KCNG3: variants seen among roughly 807,000 people sequenced by gnomAD.
KCNG3 encodes the protein voltage-gated potassium channel regulatory subunit KCNG3.
In KCNG3, 15 loss-of-function variants were observed where a neutral mutation model predicts 29.0. The ratio of observed to expected loss-of-function variants is 0.52; its 90% confidence interval spans 0.35 to 0.80. KCNG3 has a LOEUF of 0.80. Ranked by LOEUF, KCNG3 falls within the 30% of genes least tolerant of loss-of-function variation. KCNG3 has a pLI of 0.01. For missense variants in KCNG3, 512 were observed against 605.7 expected, an observed-to-expected ratio of 0.85 and a Z score of 1.62; for synonymous variants, 322 against 248.9, an observed-to-expected ratio of 1.29 and a Z score of -2.76.
chr2:42,490,049 G>A (rs1232771599), intron 1 of KCNG3, among the ~76,000 whole-genome samples: 1 of 152,126 alleles, frequency 6.6e-6, no homozygotes, highest in African/African-American at 2.4e-5. Flanking sequence ...ACACAAAACT[G>A]GCTAATGGCT....
the KCNG3 span, among the ~76,000 whole-genome samples, chr2:42,401,696 C>T: frequency 6.6e-6 from 1 of 152,066 alleles, no homozygotes; most frequent in Non-Finnish European, 1.5e-5. Context: ...CTCCTGCCTC[C>T]CAAAGTGCTG....
intron 1 of KCNG3, among the ~76,000 whole-genome samples, chr2:42,458,058 C>G (rs1185208895): frequency 6.6e-6 from 1 of 152,120 alleles, no homozygotes; most frequent in African/African-American, 2.4e-5. Context: ...CCCTATATAG[C>G]TACAGTCAAT....
At chr2:42,451,457 G>A (rs1485556987) in intron 1 of KCNG3, among the ~76,000 whole-genome samples, 2 of 151,896 alleles carry the variant, frequency 1.3e-5, no homozygotes, top group Non-Finnish European at 2.9e-5. Flanking sequence ...GGGCACAGTG[G>A]CTCACGCCTG....
chr2:42,478,007 G>C (rs1219515312), intron 1 of KCNG3, among the ~76,000 whole-genome samples: 1 of 152,052 alleles, frequency 6.6e-6, no homozygotes, highest in Non-Finnish European at 1.5e-5. Flanking sequence ...TGTAAAGTGG[G>C]AGTTGGAATT....
chr2:42,415,564 G>C, the KCNG3 span: 1 of 152,164 alleles, frequency 6.6e-6, no homozygotes, highest in African/African-American at 2.4e-5. Context: ...TAAAAGACAT[G>C]TAACATGAAC....
chr2:42,393,288 C>T, the KCNG3 span, among the ~76,000 whole-genome samples: 3 of 150,866 alleles, frequency 2.0e-5, no homozygotes, highest in African/African-American at 4.9e-5. Context: ...TGCCCAGGCA[C>T]GGTGGTTCAG....
the KCNG3 span, among the ~76,000 whole-genome samples, chr2:42,400,467 C>A: frequency 6.6e-6 from 1 of 152,140 alleles, no homozygotes; most frequent in East Asian, 1.9e-4. Flanking sequence ...AAGATAAAAA[C>A]TGGGCAGCAG....
chr2:42,483,779 T>G (rs1673649604), intron 1 of KCNG3, among the ~76,000 whole-genome samples: 1 of 152,206 alleles, frequency 6.6e-6, no homozygotes, highest in South Asian at 2.1e-4. Context: ...AGAACTAATA[T>G]GAAAAGAGTT....
At chr2:42,482,980 G>A (rs1673628979) in intron 1 of KCNG3, among the ~76,000 whole-genome samples, 1 of 151,942 alleles carries the variant, frequency 6.6e-6, no homozygotes, top group South Asian at 2.1e-4. Flanking sequence ...AATTAGCCAG[G>A]CACGGTGGTG....
chr2:42,493,309 G>A lies in KCNG3; in HGVS notation c.193C>T (p.Arg65Trp). Residue 65 changes from arginine to tryptophan, a missense_variant, in exon 1 of 2, where the codon CGG becomes TGG. Arg to Trp is a moderately radical substitution (Grantham distance 101, BLOSUM62 -3). Around this residue, in one of 5 missense-constraint regions of KCNG3, gnomAD observed 91 missense variants for 91.1 expected, o/e 1.00. Transcript: ENST00000306078. ...DRERNEYFFD[R>W]HSEAFGFILL... is the part of the protein sequence containing the mutation. ...ATGAAGCCGAAGGCCTCCGAGTGCC[G>A]GTCGAAGAAGTACTCGTTGCGCTCG... is the stretch of plus-strand genomic sequence containing the variant. The A allele has an allele frequency of 1.2e-6, 2 of 1,609,970 alleles. No individual in the cohort carries two copies. Among genetic ancestry groups the A allele is most frequent in the Non-Finnish European group, 1.7e-6 (2 of 1,178,672 alleles).
the KCNG3 span, among the ~76,000 whole-genome samples, chr2:42,428,964 C>A: frequency 6.6e-6 from 1 of 151,892 alleles, no homozygotes; most frequent in Non-Finnish European, 1.5e-5. Flanking sequence ...ACTAAAAATA[C>A]AAAAATCAAC....
rs1051044004 is a variant in KCNG3 at position 42,443,864 on chromosome 2, G to A, written c.*70C>T. The A allele has an allele frequency of 2.1e-6, 3 of 1,443,268 alleles. No homozygotes were observed. The highest frequency in any genetic ancestry group is 2.8e-5 in the African/African-American group (2 of 70,552). 89.4% of individuals were successfully genotyped at this position (1,443,268 alleles called of 1,614,324 possible). A position where few individuals can be genotyped will look rare whatever the true frequency, so the allele number is the denominator to read the frequency against. ...TGCCACTGCAGTGCTCACCCAGCAAGAAACACATAAATATGAAGCAGCATC... is the reference window on the plus strand; with the variant it reads ...TGCCACTGCAGTGCTCACCCAGCAAAAAACACATAAATATGAAGCAGCATC... On this transcript the variant is annotated 3_prime_UTR_variant, in exon 2 of 2. Coordinates refer to ENST00000306078, the MANE Select transcript of KCNG3 (RefSeq NM_133329.6).
chr2:42,397,990 G>A, the KCNG3 span, among the ~76,000 whole-genome samples: 6 of 152,090 alleles, frequency 3.9e-5, no homozygotes, highest in South Asian at 2.1e-4. Context: ...TTGGGAGGCC[G>A]AGGCAGGCAG....
the KCNG3 span, among the ~76,000 whole-genome samples, chr2:42,431,313 T>TC: frequency 2.0e-5 from 3 of 152,016 alleles, no homozygotes; most frequent in African/African-American, 7.3e-5. Flanking sequence ...TTGAAAGCTT[T>TC]TTTTTTTCCC....
the KCNG3 span, among the ~76,000 whole-genome samples, chr2:42,403,439 G>A: frequency 6.8e-6 from 1 of 148,140 alleles, no homozygotes; most frequent in African/African-American, 2.5e-5. Context: ...CACCATACCT[G>A]GCTTATTGTT....
chr2:42,444,776 T>C lies in KCNG3; in HGVS notation c.666-197A>G, dbSNP rs557605421. Among the ~76,000 whole-genome samples, 27 of 151,982 alleles carry C rather than the reference T, an allele frequency of 1.8e-4. No individual in the cohort carries two copies. The highest frequency in any genetic ancestry group is 5.1e-4 in the African/African-American group (21 of 41,448). On this transcript the variant is annotated intron_variant, in intron 1 of 1. Coordinates refer to ENST00000306078, the MANE Select transcript of KCNG3 (RefSeq NM_133329.6). This position sits in a 1 kb window ranked among gnomAD's most constrained non-coding sequence, Gnocchi z 5.8. ...AACAACAAATCAATTCAGATGAAAA[T>C]TGAGACCAGGTGCAGTGGCTCATGC...
intron 1 of KCNG3, among the ~76,000 whole-genome samples, chr2:42,471,885 C>CA (rs59566876): frequency 0.055 from 3,493 of 63,334 alleles, 133 homozygotes; most frequent in African/African-American, 0.12. Context: ...CCCTGTATCT[C>CA]AAAAAAAAAA....
At chr2:42,492,188 C>G in intron 1 of KCNG3, among the ~76,000 whole-genome samples, 1 of 152,146 alleles carries the variant, frequency 6.6e-6, no homozygotes. Flanking sequence ...ATATCATAGA[C>G]CCTCTGAAAG....
intron 1 of KCNG3, among the ~76,000 whole-genome samples, chr2:42,482,373 G>A (rs1242835161): frequency 5.3e-5 from 8 of 152,110 alleles, no homozygotes; most frequent in Non-Finnish European, 7.3e-5. Context: ...GAGGCCAGAA[G>A]TTCAAGACCA....
Sources: gnomAD v4.1 joint callset for allele counts (sites outside exome capture counted in the v4.1 genomes callset) on GRCh38, gnomAD v4.1.1 for gene constraint, gnomAD v4.1.1 regional missense constraint, Gnocchi (gnomAD v3.1) non-coding constraint, MANE v1.5 for transcripts, NCBI Gene and HGNC (gene_info 2026-07-23, HGNC 2026-07-21) for gene names.